Variants in ADGRF5 observed in about 807,000 individuals in gnomAD.
ADGRF5 encodes the protein adhesion G protein-coupled receptor F5.
A neutral mutation model predicts 132.3 loss-of-function variants in ADGRF5; 75 were observed. That is an observed-to-expected ratio of 0.57 (90% CI 0.47 to 0.69). The LOEUF (loss-of-function observed/expected upper bound fraction) is 0.69, where lower values mean the gene tolerates loss of function less well. ADGRF5 is among the 30% of genes least tolerant of loss of function. ADGRF5 has a pLI of 0.00. For missense variants in ADGRF5, 1,516 were observed against 1,630.6 expected (o/e 0.93, Z 1.21); for synonymous variants, 629 against 597.6 (o/e 1.05, Z -0.77).
rs1022616734 is a variant in ADGRF5 at position 46,859,383 on chromosome 6, A to G, written c.2520T>C (p.Asp840=). 1.2e-6 allele frequency: 2 copies of G among 1,613,864 alleles called. No individual in the cohort carries two copies. Among genetic ancestry groups the G allele is most frequent in the Non-Finnish European group, 1.7e-6 (2 of 1,179,772 alleles). The part of the protein sequence containing the change: ...ERFSQALQSG[D]SPPLSFSQTN... The stretch of plus-strand genomic sequence containing the variant: ...TTTGGGAGAAGGACAAAGGAGGGCT[A>G]TCTCCCGACTGTAATGCTTGGGAAA... Residue 840 remains aspartate, a synonymous_variant, in exon 17 of 21, where the codon GAT becomes GAC. Coordinates refer to ENST00000283296, the MANE Select transcript of ADGRF5 (RefSeq NM_001098518.2).
intron 1 of ADGRF5, among the ~76,000 whole-genome samples, chr6:46,932,276 T>G (rs1002140355): frequency 6.6e-6 from 1 of 152,216 alleles, no homozygotes; most frequent in Non-Finnish European, 1.5e-5. Context: ...GTGACTAATG[T>G]GGAGGTAAGG....
rs1380703286 is a variant in ADGRF5, at chr6:46,855,990, A to G, written c.3945T>C (p.Asn1315=). 6.3e-7 allele frequency: 1 copy of G among 1,596,200 alleles called. No homozygotes were observed. Among genetic ancestry groups the G allele is most frequent in the African/African-American group, 1.3e-5 (1 of 74,556 alleles). Reference sequence around the variant, plus strand: ...ACTACTCACCTGTTTTACCAAACAAATTGTTAAATCTCCTTGATATTGGAG... The same window carrying G: ...ACTACTCACCTGTTTTACCAAACAAGTTGTTAAATCTCCTTGATATTGGAG... The part of the protein sequence containing the change: ...MSSPISRRFN[N]LFGKTGTYNV... The change falls in exon 20 of 21, where the codon AAT becomes AAC. Residue 1315 remains asparagine, a synonymous_variant. Transcript: ENST00000283296.
chr6:46,888,360 G>A lies in ADGRF5; in HGVS notation c.303C>T (p.Asp101=), dbSNP rs1464766750. 3.7e-6 allele frequency: 6 copies of A among 1,610,794 alleles called. No homozygotes were observed. Among genetic ancestry groups the A allele is most frequent in the African/African-American group, 2.7e-5 (2 of 74,954 alleles). ...IHGNNTDQIT[D]ILSINVTTVC... ...CTGTTGTCACATTTATGCTCAAAATGTCGGTAATTTGGTCAGTGTTATTCC... is the reference window on the plus strand; with the variant it reads ...CTGTTGTCACATTTATGCTCAAAATATCGGTAATTTGGTCAGTGTTATTCC... The change falls in exon 4 of 21, where the codon GAC becomes GAT. Residue 101 remains aspartate (D), a synonymous_variant. Transcript: ENST00000283296.
chr6:46,862,895 A>G lies in ADGRF5; in HGVS notation c.2192T>C (p.Met731Thr), dbSNP rs552038619. Reference sequence around the variant, plus strand: ...GGAAGCTTTAAGGATCACCTTAGCCATCTGGAGCAGACTGTTTATTGGGGC... The same window carrying G: ...GGAAGCTTTAAGGATCACCTTAGCCGTCTGGAGCAGACTGTTTATTGGGGC... Reference protein sequence around the residue: ...ISAPINSLLQMAKALIKSPSQ... With the variant: ...ISAPINSLLQTAKALIKSPSQ... The change falls in exon 15 of 21, where the codon ATG becomes ACG. Residue 731 changes from methionine (M) to threonine (T), a missense_variant. Met to Thr is a moderately conservative substitution (Grantham distance 81, BLOSUM62 -1). This residue lies in a region of ADGRF5 where 945 missense variants were observed against 929.4 expected (regional missense o/e 1.02). Coordinates refer to ENST00000283296, the MANE Select transcript of ADGRF5 (RefSeq NM_001098518.2). 1 of 1,607,390 alleles carries G rather than the reference A, an allele frequency of 6.2e-7. No homozygotes were observed. Among genetic ancestry groups the G allele is most frequent in the South Asian group, 1.1e-5 (1 of 90,808 alleles).
At position 46,858,425 on chromosome 6, in the gene ADGRF5, T is replaced by C; in HGVS notation, c.3478A>G (p.Asn1160Asp). 2 of 1,613,868 alleles carry C rather than the reference T, an allele frequency of 1.2e-6. No individual in the cohort carries two copies. The highest frequency in any genetic ancestry group is 1.7e-6 in the Non-Finnish European group (2 of 1,179,836). Residue 1160 changes from asparagine (N) to aspartate (D), a missense_variant, in exon 17 of 21, where the codon AAT becomes GAT. Around this residue, in one of 2 missense-constraint regions of ADGRF5, gnomAD observed 571 missense variants for 701.2 expected, o/e 0.81. Transcript: ENST00000283296. ...TCCTCCCAGTTGAGCCAACAGACAT[T>C]CTTCCTCGTATAGACTTCCCGGGGC... ...TQPREVYTRK[N>D]VCWLNWEDTK...
chr6:46,923,434 C>A (rs1777095366), upstream of ADGRF5, among the ~76,000 whole-genome samples: 1 of 152,182 alleles, frequency 6.6e-6, no homozygotes, highest in African/African-American at 2.4e-5. Context: ...CAACCACCAG[C>A]AGGACTTAGG....
Position 46,858,262 on chromosome 6 carries a change from A to T in ADGRF5, c.3641T>A (p.Leu1214Gln). The T allele has an allele frequency of 6.2e-7, 1 of 1,614,084 alleles. No homozygotes were observed. The highest frequency in any genetic ancestry group is 8.5e-7 in the Non-Finnish European group (1 of 1,180,002). ...DKPCKQEKSSLFQISKSIGVL... is the reference protein window; with the variant it reads ...DKPCKQEKSSQFQISKSIGVL... ...CCCAATGCTCTTGCTGATCTGAAACAGGCTGCTCTTCTCCTGCTTGCATGG... is the reference window on the plus strand; with the variant it reads ...CCCAATGCTCTTGCTGATCTGAAACTGGCTGCTCTTCTCCTGCTTGCATGG... The change falls in exon 17 of 21, where the codon CTG becomes CAG. Residue 1214 changes from leucine to glutamine, a missense_variant. Transcript: ENST00000283296.
chr6:46,947,572 G>A (rs1778345508), intron 1 of ADGRF5, among the ~76,000 whole-genome samples: 1 of 152,172 alleles, frequency 6.6e-6, no homozygotes, highest in African/African-American at 2.4e-5. Flanking sequence ...TGGTGGGCAG[G>A]ATAAAGGGTT....
intron 11 of ADGRF5, among the ~76,000 whole-genome samples, chr6:46,870,617 G>C (rs1240955251): frequency 6.6e-6 from 1 of 152,252 alleles, no homozygotes; most frequent in East Asian, 1.9e-4. Context: ...TCTTGAGATG[G>C]CTCTCTAAGG....
At chr6:46,928,385 G>A (rs982158916) in intron 1 of ADGRF5, among the ~76,000 whole-genome samples, 8 of 152,094 alleles carry the variant, frequency 5.3e-5, no homozygotes, top group African/African-American at 1.7e-4. Flanking sequence ...AAAGTTTGGG[G>A]GTAAAGGAGT....
At chr6:46,864,267 T>C (rs1770119466) in intron 14 of ADGRF5, among the ~76,000 whole-genome samples, 1 of 152,162 alleles carries the variant, frequency 6.6e-6, no homozygotes, top group Admixed American at 6.5e-5. Context: ...AACTTTCACC[T>C]CAAAGATATT....
chr6:46,928,655 T>C (rs1313571887), intron 1 of ADGRF5, among the ~76,000 whole-genome samples: 1 of 152,114 alleles, frequency 6.6e-6, no homozygotes, highest in Non-Finnish European at 1.5e-5. Flanking sequence ...GGCCCTCTAC[T>C]CTCTTAGAGG....
chr6:46,859,125 G>A lies in ADGRF5; in HGVS notation c.2778C>T (p.Thr926=). The part of the protein sequence containing the change: ...NNFAESLVMT[T]TVSHNTTMPF... Reference sequence around the variant, plus strand: ...GCATAGTTGTATTGTGGCTGACAGTGGTTGTCATCACTAAGCTCTCTGCAA... The same window carrying A: ...GCATAGTTGTATTGTGGCTGACAGTAGTTGTCATCACTAAGCTCTCTGCAA... The change falls in exon 17 of 21, where the codon ACC becomes ACT. Residue 926 remains threonine, a synonymous_variant. Transcript: ENST00000283296. 6.2e-7 allele frequency: 1 copy of A among 1,613,992 alleles called. No homozygotes were observed. The highest frequency in any genetic ancestry group is 1.1e-5 in the South Asian group (1 of 91,072).
At chr6:46,913,267 G>A (rs1416225504) in intron 1 of ADGRF5, among the ~76,000 whole-genome samples, 1 of 152,124 alleles carries the variant, frequency 6.6e-6, no homozygotes, top group East Asian at 1.9e-4. Context: ...GAAGGCCAAG[G>A]GGGGCGGATC....
intron 1 of ADGRF5, among the ~76,000 whole-genome samples, chr6:46,941,649 GT>G (rs35605004): frequency 1.5e-3 from 211 of 142,430 alleles, no homozygotes; most frequent in South Asian, 2.5e-3. Flanking sequence ...ATAGAGCATG[GT>G]TTTTTTTTTT....
chr6:46,861,466 C>CTCAAA (rs1202919000), intron 15 of ADGRF5, among the ~76,000 whole-genome samples: 1 of 152,194 alleles, frequency 6.6e-6, no homozygotes, highest in African/African-American at 2.4e-5. Context: ...TATAGAATAG[C>CTCAAA]TCAAATTCTG....
intron 6 of ADGRF5, among the ~76,000 whole-genome samples, chr6:46,882,616 C>A (rs1387751927): frequency 6.6e-6 from 1 of 152,176 alleles, no homozygotes; most frequent in Non-Finnish European, 1.5e-5. Context: ...GTGAGGGGCA[C>A]CCTCATGGCT....
At position 46,871,946 on chromosome 6, in the gene ADGRF5, G is replaced by A. The variant is rs1221318047; in HGVS notation, c.1308C>T (p.Cys436=). 1 of 1,613,064 alleles carries A rather than the reference G, an allele frequency of 6.2e-7. No homozygotes were observed. The highest frequency in any genetic ancestry group is 8.5e-7 in the Non-Finnish European group (1 of 1,179,216). ...RYTLKADGTQ[C]PSGSSGTTVI... ...CTGTTGTTCCAGACGACCCGCTTGGGCACTGGGTTCCATCAGCCTTGAGGG... is the reference window on the plus strand; with the variant it reads ...CTGTTGTTCCAGACGACCCGCTTGGACACTGGGTTCCATCAGCCTTGAGGG... Residue 436 remains cysteine, a synonymous_variant, in exon 11 of 21, where the codon TGC becomes TGT. Coordinates refer to ENST00000283296, the MANE Select transcript of ADGRF5 (RefSeq NM_001098518.2).
rs1887897 is a variant in ADGRF5, at chr6:46,856,957, G to A, written c.3775-49C>T. The stretch of plus-strand genomic sequence containing the variant: ...AAGTGCATTTTAATTATAGTCTATT[G>A]TCCAGCAAAGGAGGAAGTACTGTTA... On this transcript the variant is annotated intron_variant, in intron 17 of 20. Coordinates refer to ENST00000283296, the MANE Select transcript of ADGRF5 (RefSeq NM_001098518.2). 4.9e-3 allele frequency: 6,943 copies of A among 1,414,664 alleles called. 25 individuals are homozygous for A. Among genetic ancestry groups the A allele is most frequent in the Non-Finnish European group, 6.3e-3 (6,291 of 1,002,584 alleles). 87.6% of individuals were successfully genotyped at this position (1,414,664 alleles called of 1,614,324 possible).
Sources: gnomAD v4.1 joint callset for allele counts (sites outside exome capture counted in the v4.1 genomes callset) on GRCh38, gnomAD v4.1.1 for gene constraint, gnomAD v4.1.1 regional missense constraint, MANE v1.5 for transcripts, NCBI Gene and HGNC (gene_info 2026-07-23, HGNC 2026-07-21) for gene names.